ASPSCR1: variants seen among roughly 807,000 people sequenced by gnomAD.
ASPSCR1 encodes the protein tether containing UBX domain for GLUT4.
Under a neutral mutation model 68.9 loss-of-function variants are expected in ASPSCR1, and 55 were observed. The observed-to-expected ratio is 0.80, with a 90% CI of 0.64 to 1.00. The LOEUF is 1.00. Among genes scored for constraint, ASPSCR1 ranks in the 50% least tolerant of loss-of-function variants. The probability of loss-of-function intolerance (pLI) is 0.00; values close to 1 mark genes in which losing one functional copy is unlikely to be tolerated. For synonymous variants in ASPSCR1, 352 were observed against 332.6 expected (o/e 1.06, Z -0.63); for missense variants, 765 against 762.2 (o/e 1.00, Z -0.04).
intron 2 of ASPSCR1, chr17:81,982,464 C>G (rs978570660): frequency 2.0e-5 from 3 of 152,276 alleles, no homozygotes; most frequent in Admixed American, 2.0e-4. Flanking sequence ...TGAACAGTGC[C>G]CTCCGCTCCA....
At position 82,010,787 on chromosome 17, in the gene ASPSCR1, A is replaced by G. The variant is rs775015648; in HGVS notation, c.1171-15A>G. Reference sequence around the variant, plus strand: ...CTCCGGCCGTCCCTCCAACCCTTCCACTTGTCTGGCCTAGGTGGCTCTGAG... The same window carrying G: ...CTCCGGCCGTCCCTCCAACCCTTCCGCTTGTCTGGCCTAGGTGGCTCTGAG... On this transcript the variant is annotated splice_polypyrimidine_tract_variant and intron_variant, in intron 9 of 15. Coordinates refer to ENST00000306739, the MANE Select transcript of ASPSCR1 (RefSeq NM_024083.4). The G allele has an allele frequency of 3.1e-6, 5 of 1,611,902 alleles. No individual in the cohort carries two copies. The Admixed American group carries it at 8.3e-5, about 27-fold the overall frequency.
At position 81,999,861 on chromosome 17, in the gene ASPSCR1, T is replaced by C. The variant is rs1383368239; in HGVS notation, c.933+3015T>C. On this transcript the variant is annotated intron_variant, in intron 7 of 15. Coordinates refer to ENST00000306739, the MANE Select transcript of ASPSCR1 (RefSeq NM_024083.4). This position sits in a 1 kb window ranked among gnomAD's most constrained non-coding sequence, Gnocchi z 4.4. ...CCGGGCGTCTGCACCGTGTTGGATG[T>C]GGGGGCTCCCATCTAGCCCGGCGTC... 6.6e-6 allele frequency among the ~76,000 whole-genome samples: 1 copy of C among 152,154 alleles called. No homozygotes were observed. The highest frequency in any genetic ancestry group is 1.5e-5 in the Non-Finnish European group (1 of 68,020).
At chr17:82,009,451 A>G (rs1409281235) in intron 8 of ASPSCR1, 35 bp from the exon 9 acceptor site, 1 of 1,545,848 alleles carries the variant, frequency 6.5e-7, no homozygotes, top group African/African-American at 1.4e-5. Flanking sequence ...CCCCATTCTG[A>G]CCAGAAGCCC....
chr17:81,979,107 C>A, intron 1 of ASPSCR1, 77 bp from the exon 2 acceptor site: 1 of 1,499,074 alleles, frequency 6.7e-7, no homozygotes, highest in South Asian at 1.1e-5. Flanking sequence ...AAGCTGAATG[C>A]CCTTGGCTGA....
At chr17:81,994,955 C>T (rs958974157) in intron 5 of ASPSCR1, 77 bp downstream of exon 5, 2 of 1,438,650 alleles carry the variant, frequency 1.4e-6, no homozygotes, top group Non-Finnish European at 1.9e-6. Context: ...TGCTGTCCCG[C>T]AGCCGTCTCC....
In ASPSCR1 at chr17:82,010,332, A is replaced by G. The variant is rs568454118; in HGVS notation, c.1171-470A>G. On this transcript the variant is annotated intron_variant, in intron 9 of 15. Transcript: ENST00000306739. ...ATCATGAGGTCAGGAGATCGAGACC[A>G]TCCTGGCTGACACGGTGAAACCCCA... is the stretch of plus-strand genomic sequence containing the variant. 5.9e-5 allele frequency among the ~76,000 whole-genome samples: 9 copies of G among 151,378 alleles called. 1 individual carries two copies. The South Asian group carries it at 1.7e-3, about 28-fold the overall frequency.
At position 82,017,370 on chromosome 17, in the gene ASPSCR1, C is replaced by G; in HGVS notation, c.*48C>G. 1 of 1,611,866 alleles carries G rather than the reference C, an allele frequency of 6.2e-7. No homozygotes were observed. The highest frequency in any genetic ancestry group is 8.5e-7 in the Non-Finnish European group (1 of 1,179,618). On this transcript the variant is annotated 3_prime_UTR_variant, in exon 16 of 16. Coordinates refer to ENST00000306739, the MANE Select transcript of ASPSCR1 (RefSeq NM_024083.4). ...ACTCCGCCAGCCACAGGACCACCTC[C>G]TCTGCCAGCAGGAATAAAGACTTGT...
At chr17:81,992,398 G>A (rs2042199267) in intron 4 of ASPSCR1, among the ~76,000 whole-genome samples, 1 of 152,198 alleles carries the variant, frequency 6.6e-6, no homozygotes, top group Non-Finnish European at 1.5e-5. Flanking sequence ...CTCTGGAGGA[G>A]CCGCACATCA....
chr17:81,978,835 A>C, intron 1 of ASPSCR1: 3 of 343,978 alleles, frequency 8.7e-6, no homozygotes, highest in Non-Finnish European at 1.1e-5. Flanking sequence ...GCCAGGGGGT[A>C]GCTTGTGCTA....
At chr17:82,007,698 A>G (rs1598425924) in intron 7 of ASPSCR1, 1 of 152,220 alleles carries the variant, frequency 6.6e-6, no homozygotes, top group Non-Finnish European at 1.5e-5. Flanking sequence ...GAGGATGCCA[A>G]CCTGCCACAG....
At chr17:82,000,813 G>A (rs900630209) in intron 7 of ASPSCR1, among the ~76,000 whole-genome samples, 1 of 152,112 alleles carries the variant, frequency 6.6e-6, no homozygotes, top group Non-Finnish European at 1.5e-5. Flanking sequence ...GCTGCCCGGC[G>A]CCCCCTGGCC....
intron 2 of ASPSCR1, among the ~76,000 whole-genome samples, chr17:81,982,216 G>A (rs954577312): frequency 6.6e-6 from 1 of 152,234 alleles, no homozygotes; most frequent in African/African-American, 2.4e-5. Context: ...TGATCTGCCC[G>A]TCTGGGCCTC....
chr17:81,997,716 C>T (rs904983901), intron 7 of ASPSCR1, among the ~76,000 whole-genome samples: 5 of 150,324 alleles, frequency 3.3e-5, no homozygotes, highest in African/African-American at 4.9e-5. Flanking sequence ...GTCTCAATCT[C>T]TTGACCTTGT....
At chr17:81,990,000 A>G (rs1160728270) in intron 4 of ASPSCR1, among the ~76,000 whole-genome samples, 1 of 152,206 alleles carries the variant, frequency 6.6e-6, no homozygotes, top group African/African-American at 2.4e-5. Context: ...CATGTTGGCC[A>G]GGCTGGTCAG....
chr17:81,994,959 C>T (rs769159590), intron 5 of ASPSCR1, 81 bp downstream of exon 5: 13 of 1,431,292 alleles, frequency 9.1e-6, no homozygotes, highest in Admixed American at 5.7e-5. Flanking sequence ...GTCCCGCAGC[C>T]GTCTCCAGGG....
intron 7 of ASPSCR1, among the ~76,000 whole-genome samples, chr17:82,003,689 TC>T (rs2042611277): frequency 6.6e-6 from 1 of 152,232 alleles, no homozygotes; most frequent in Non-Finnish European, 1.5e-5. Context: ...TGTGGTGTCT[TC>T]AGAGGCAGTC....
chr17:82,011,643 G>T, intron 11 of ASPSCR1, 38 bp downstream of exon 11: 1 of 1,597,230 alleles, frequency 6.3e-7, no homozygotes, highest in Non-Finnish European at 8.5e-7. Context: ...TGCCTCCAGT[G>T]CTCGGGGCCT....
In ASPSCR1 at chr17:81,987,791, G is replaced by A. The variant is rs1440290590; in HGVS notation, c.374+2184G>A. ...TGGGCGCTTTGGAGGAGGTTGCAGT[G>A]AGCCGAGATCGCACCATTGCACTCT... On this transcript the variant is annotated intron_variant, in intron 4 of 15. Transcript: ENST00000306739. The surrounding 1 kb of genome is among the most constrained non-coding windows in gnomAD (Gnocchi z 5.6). Among the ~76,000 whole-genome samples the A allele has an allele frequency of 6.6e-6, 1 of 151,988 alleles. No individual in the cohort carries two copies. Among genetic ancestry groups the A allele is most frequent in the Non-Finnish European group, 1.5e-5 (1 of 68,002 alleles).
chr17:82,014,667 G>A (rs955801028), intron 12 of ASPSCR1: 2 of 210,624 alleles, frequency 9.5e-6, no homozygotes, highest in Admixed American at 1.0e-4. Flanking sequence ...GTTCCCCGGA[G>A]GGTGGTGCTG....
Sources: allele counts gnomAD v4.1 joint callset (sites outside exome capture counted in the v4.1 genomes callset), GRCh38; gene constraint gnomAD v4.1.1; non-coding constraint Gnocchi (gnomAD v3.1); transcripts MANE v1.5; gene names NCBI Gene and HGNC (gene_info 2026-07-23, HGNC 2026-07-21).